Variants in BCL2 observed in about 807,000 individuals in gnomAD.
The protein encoded by BCL2 is apoptosis regulator Bcl-2.
In BCL2, 1 loss-of-function variant was observed where a neutral mutation model predicts 14.2. The observed-to-expected ratio is 0.07, with a 90% CI of 0.02 to 0.33. The LOEUF (loss-of-function observed/expected upper bound fraction) is 0.33, where lower values mean the gene tolerates loss of function less well. Among genes scored for constraint, BCL2 ranks in the 10% least tolerant of loss-of-function variants. The pLI is 0.99. For synonymous variants in BCL2, 151 were observed against 137.2 expected (o/e 1.10, Z -0.70); for missense variants, 247 against 305.9 (o/e 0.81, Z 1.44).
rs184714559 is a variant in BCL2, at chr18:63,167,850, C to A, written c.586-39091G>T. Among the ~76,000 whole-genome samples the A allele has an allele frequency of 6.9e-4, 105 of 151,724 alleles. 1 individual carries two copies. The highest frequency in any genetic ancestry group is 1.9e-4 in the Non-Finnish European group (13 of 67,908). ...CTGAGGTAGGAGAATCATTTAAACC[C>A]GGGAGGCAGAGGTTGCAGTGAGCAG... On this transcript the variant is annotated intron_variant, in intron 2 of 2. Transcript: ENST00000333681.
At chr18:63,245,704 A>C (rs1390979315) in intron 2 of BCL2, among the ~76,000 whole-genome samples, 1 of 152,120 alleles carries the variant, frequency 6.6e-6, no homozygotes, top group South Asian at 2.1e-4. Context: ...TGCTATATAC[A>C]TGATACCATT....
chr18:63,137,352 G>A (rs530083713), intron 2 of BCL2, among the ~76,000 whole-genome samples: 3 of 152,314 alleles, frequency 2.0e-5, no homozygotes, highest in Admixed American at 2.0e-4. Flanking sequence ...GCACCTGGAG[G>A]TGCAGGACCA....
chr18:63,247,200 A>AT (rs35786465), intron 2 of BCL2, among the ~76,000 whole-genome samples: 587 of 143,016 alleles, frequency 4.1e-3, no homozygotes, highest in East Asian at 0.011. Flanking sequence ...ATGCAACAGG[A>AT]TTTTTTTTTT....
intron 2 of BCL2, among the ~76,000 whole-genome samples, chr18:63,288,982 T>TTGAA (rs979972848): frequency 1.5e-4 from 23 of 152,212 alleles, no homozygotes; most frequent in Admixed American, 5.2e-4. Context: ...TATGTAATTG[T>TTGAA]TGAATGAATG....
chr18:63,235,853 A>G (rs1442173619), intron 2 of BCL2, among the ~76,000 whole-genome samples: 1 of 151,552 alleles, frequency 6.6e-6, no homozygotes, highest in Non-Finnish European at 1.5e-5. Context: ...TATCTTTCAC[A>G]TGTGTGTATC....
rs574439083 is a variant in BCL2, at chr18:63,184,598, G to A, written c.586-55839C>T. On this transcript the variant is annotated intron_variant, in intron 2 of 2. Transcript: ENST00000333681. ...ATATCCCCATCTGGGGCATTTGCCT[G>A]AAGATAAGTGCAACTCATTGCAAAA... Among the ~76,000 whole-genome samples, 26 of 152,338 alleles carry A rather than the reference G, an allele frequency of 1.7e-4. No homozygotes were observed. In the South Asian group the frequency reaches 4.8e-3, roughly 28 times the overall value.
At chr18:63,185,512 AT>A (rs1915574734) in intron 2 of BCL2, among the ~76,000 whole-genome samples, 1 of 152,212 alleles carries the variant, frequency 6.6e-6, no homozygotes, top group South Asian at 2.1e-4. Context: ...TGCTTTCCAT[AT>A]GGTATCTCAT....
At position 63,267,159 on chromosome 18, in the gene BCL2, G is replaced by A. The variant is rs149294526; in HGVS notation, c.585+50923C>T. On this transcript the variant is annotated intron_variant, in intron 2 of 2. Coordinates refer to ENST00000333681, the MANE Select transcript of BCL2 (RefSeq NM_000633.3). ...GATGCAAGGCCGAGGAAGTGAGAGC[G>A]TGGATCAGTCACGACAGTTTCTCTG... Among the ~76,000 whole-genome samples the A allele has an allele frequency of 2.4e-3, 364 of 152,308 alleles. 1 individual carries two copies. The highest frequency in any genetic ancestry group is 8.2e-3 in the African/African-American group (341 of 41,568).
chr18:63,275,657 T>C (rs1373962155), intron 2 of BCL2, among the ~76,000 whole-genome samples: 1 of 152,210 alleles, frequency 6.6e-6, no homozygotes, highest in Non-Finnish European at 1.5e-5. Flanking sequence ...TGTTTGTAAT[T>C]TCCAGTTTAG....
At chr18:63,253,350 T>C (rs1911371843) in intron 2 of BCL2, among the ~76,000 whole-genome samples, 1 of 152,246 alleles carries the variant, frequency 6.6e-6, no homozygotes, top group African/African-American at 2.4e-5. Flanking sequence ...CTGTACTTAC[T>C]CTGCTGACAT....
chr18:63,281,312 T>A (rs1912301584), intron 2 of BCL2, among the ~76,000 whole-genome samples: 1 of 152,108 alleles, frequency 6.6e-6, no homozygotes, highest in East Asian at 1.9e-4. Flanking sequence ...GAAAAACGGT[T>A]AACATGATAA....
rs1461390047 is a variant in BCL2 at position 63,126,547 on chromosome 18, G to A, written c.*2078C>T. On this transcript the variant is annotated 3_prime_UTR_variant, in exon 3 of 3. Transcript: ENST00000333681. ...GAAACCTTCAAGAAACAAGGTCAAAGGGACAACAGATATAACTGTCACAAT... is the reference window on the plus strand; with the variant it reads ...GAAACCTTCAAGAAACAAGGTCAAAAGGACAACAGATATAACTGTCACAAT... 4 of 229,114 alleles carry A rather than the reference G, an allele frequency of 1.7e-5. No homozygotes were observed. The highest frequency in any genetic ancestry group is 8.9e-5 in the African/African-American group (4 of 45,088). 14.2% of individuals were successfully genotyped at this position (229,114 alleles called of 1,614,324 possible).
At chr18:63,219,546 T>C (rs1599252831) in intron 2 of BCL2, among the ~76,000 whole-genome samples, 2 of 146,932 alleles carry the variant, frequency 1.4e-5, no homozygotes, top group South Asian at 2.2e-4. Flanking sequence ...AACCTCTGCC[T>C]CCCTGGTTCA....
At chr18:63,156,333 G>A (rs910720956) in intron 2 of BCL2, among the ~76,000 whole-genome samples, 1 of 152,134 alleles carries the variant, frequency 6.6e-6, no homozygotes, top group Non-Finnish European at 1.5e-5. Flanking sequence ...TGACATTCTG[G>A]GTCAGGTAAT....
chr18:63,292,094 C>T (rs1056206891), intron 2 of BCL2, among the ~76,000 whole-genome samples: 12 of 152,050 alleles, frequency 7.9e-5, no homozygotes, highest in African/African-American at 2.9e-4. Flanking sequence ...AATAGATCAA[C>T]TGGAGTGGTT....
At chr18:63,205,617 G>A (rs1909815429) in intron 2 of BCL2, among the ~76,000 whole-genome samples, 1 of 151,800 alleles carries the variant, frequency 6.6e-6, no homozygotes. Flanking sequence ...AGCTAAATTC[G>A]AACACTACGA....
chr18:63,125,986 T>G lies in BCL2; in HGVS notation c.*2639A>C, dbSNP rs1913901109. 1 of 214,474 alleles carries G rather than the reference T, an allele frequency of 4.7e-6. No homozygotes were observed. Among genetic ancestry groups the G allele is most frequent in the Non-Finnish European group, 9.4e-6 (1 of 105,914 alleles). 13.3% of individuals were successfully genotyped at this position (214,474 alleles called of 1,614,324 possible). Reference sequence around the variant, plus strand: ...ACAAAAGACAAAACAGGCTTTATATTAAAAACGTCCACGTTCTTCATTGTT... The same window carrying G: ...ACAAAAGACAAAACAGGCTTTATATGAAAAACGTCCACGTTCTTCATTGTT... On this transcript the variant is annotated 3_prime_UTR_variant, in exon 3 of 3. Transcript: ENST00000333681.
At chr18:63,212,281 G>T (rs532010834) in intron 2 of BCL2, among the ~76,000 whole-genome samples, 2 of 151,480 alleles carry the variant, frequency 1.3e-5, no homozygotes, top group Non-Finnish European at 3.0e-5. Flanking sequence ...TGAGCCAAGA[G>T]CATGCCACTG....
At chr18:63,274,167 C>T (rs1912082529) in intron 2 of BCL2, among the ~76,000 whole-genome samples, 1 of 152,160 alleles carries the variant, frequency 6.6e-6, no homozygotes, top group South Asian at 2.1e-4. Flanking sequence ...ATCTGGATGA[C>T]TCCTACATGC....
Sources: gnomAD v4.1 joint callset for allele counts (sites outside exome capture counted in the v4.1 genomes callset) on GRCh38, gnomAD v4.1.1 for gene constraint, MANE v1.5 for transcripts, NCBI Gene and HGNC (gene_info 2026-07-23, HGNC 2026-07-21) for gene names.